Variants in PRMT7 observed in about 807,000 individuals in gnomAD.
The protein encoded by PRMT7 is protein arginine methyltransferase 7.
A neutral mutation model predicts 85.4 loss-of-function variants in PRMT7; 75 were observed. The ratio of observed to expected loss-of-function variants is 0.88; its 90% CI spans 0.73 to 1.06. The LOEUF (loss-of-function observed/expected upper bound fraction) is 1.06. Ranked by LOEUF, PRMT7 falls within the 50% of genes least tolerant of loss-of-function variation. The probability of loss-of-function intolerance (pLI) is 0.00; values close to 1 mark genes in which losing one functional copy is unlikely to be tolerated. For synonymous variants in PRMT7, 397 were observed against 359.5 expected (o/e 1.10, Z -1.18); for missense variants, 868 against 915.2 (o/e 0.95, Z 0.67).
At chr16:68,311,230 C>T (rs1017327714) in intron 1 of PRMT7, 131 bp downstream of exon 1, 1 of 496,108 alleles carries the variant, frequency 2.0e-6, no homozygotes, top group Non-Finnish European at 3.7e-6. Flanking sequence ...CCGCGTGGGG[C>T]AGCTCGGGAC....
chr16:68,338,744 C>T (rs2085073433), intron 7 of PRMT7, among the ~76,000 whole-genome samples: 1 of 152,198 alleles, frequency 6.6e-6, no homozygotes, highest in Non-Finnish European at 1.5e-5. Context: ...CAGTGGTGTC[C>T]TGGTGGTGAA....
Position 68,339,378 on chromosome 16 carries a change from C to A in PRMT7, c.561C>A (p.Ser187=). The A allele has an allele frequency of 6.2e-7, 1 of 1,614,116 alleles. No individual in the cohort carries two copies. Among genetic ancestry groups the A allele is most frequent in the Non-Finnish European group, 8.5e-7 (1 of 1,180,020 alleles). Residue 187 remains serine (S), a synonymous_variant, in exon 8 of 19, where the codon TCC becomes TCA. Transcript: ENST00000441236. Reference sequence around the variant, plus strand: ...CCGTCTATGCACAGCTGGTGGAGTCCGGGAGGATGTGGTCGTGGAACAAGC... The same window carrying A: ...CCGTCTATGCACAGCTGGTGGAGTCAGGGAGGATGTGGTCGTGGAACAAGC... ...RATVYAQLVE[S]GRMWSWNKLF...
At chr16:68,345,849 A>G (rs952661985) in intron 10 of PRMT7, 47 bp downstream of exon 10, 4 of 1,610,062 alleles carry the variant, frequency 2.5e-6, no homozygotes, top group African/African-American at 1.3e-5. Context: ...TGAGACTTGT[A>G]TGTAAATTCC....
At position 68,316,094 on chromosome 16, in the gene PRMT7, C is replaced by T; in HGVS notation, c.95+20C>T. 1 of 1,604,240 alleles carries T rather than the reference C, an allele frequency of 6.2e-7. No individual in the cohort carries two copies. The highest frequency in any genetic ancestry group is 8.5e-7 in the Non-Finnish European group (1 of 1,172,052). On this transcript the variant is annotated intron_variant, in intron 3 of 18. Transcript: ENST00000441236. ...TGCAAGGTACTGGGTTGGTTTACAG[C>T]AGGCTGCAGCTGGGTGGGGCACTTG...
intron 14 of PRMT7, among the ~76,000 whole-genome samples, chr16:68,350,409 G>A (rs1408774573): frequency 2.0e-5 from 3 of 151,854 alleles, no homozygotes. Context: ...CAGGTTCTCG[G>A]ATCCTCACCA....
At chr16:68,360,065 T>G (rs1260475295), downstream of PRMT7, 2 of 153,226 alleles carry the variant, frequency 1.3e-5, no homozygotes, top group Admixed American at 6.5e-5. Flanking sequence ...GGTCCCCTTG[T>G]GGCCTTGGTG....
In PRMT7 at chr16:68,346,221, C is replaced by G; in HGVS notation, c.1132C>G (p.Arg378Gly). The G allele has an allele frequency of 6.2e-7, 1 of 1,614,188 alleles. No individual in the cohort carries two copies. Residue 378 changes from arginine (R) to glycine (G), a missense_variant, in exon 11 of 19, where the codon CGG becomes GGG. Arg to Gly is a moderately radical substitution (Grantham distance 125). Transcript: ENST00000441236. ...CQAHLLWNRP[R>G]FGEINDQDRT... ...GGCTCACCTGCTCTGGAACCGGCCT[C>G]GGTTTGGAGAGATCAATGACCAGGA... is the stretch of plus-strand genomic sequence containing the variant.
In PRMT7 at chr16:68,339,780, T is replaced by C. The variant is rs768898161; in HGVS notation, c.747-8T>C. ...ACTCTGCTTACATTCTTGAATATTA[T>C]TCCTCAGCATAGACTTCAGCAAGCA... On this transcript the variant is annotated splice_region_variant and splice_polypyrimidine_tract_variant and intron_variant, in intron 8 of 18. Transcript: ENST00000441236. 34 of 1,611,182 alleles carry C rather than the reference T, an allele frequency of 2.1e-5. No individual in the cohort carries two copies. Among genetic ancestry groups the C allele is most frequent in the African/African-American group, 2.7e-5 (2 of 74,860 alleles).
chr16:68,357,604 G>T lies in PRMT7; in HGVS notation c.*380G>T, dbSNP rs2088829154. 1 of 193,818 alleles carries T rather than the reference G, an allele frequency of 5.2e-6. No homozygotes were observed. The highest frequency in any genetic ancestry group is 1.1e-5 in the Non-Finnish European group (1 of 94,998). 12.0% of individuals were successfully genotyped at this position (193,818 alleles called of 1,614,324 possible). On this transcript the variant is annotated 3_prime_UTR_variant, in exon 19 of 19. Transcript: ENST00000441236. ...CCGCCCTTGGCGAGCAGTCCCCGTG[G>T]CGGGAGCCTGTCCTGTCTGTCTCAC...
rs1390982903 is a variant in PRMT7 at position 68,345,739 on chromosome 16, C to T, written c.992C>T (p.Ser331Leu). The change falls in exon 10 of 19, where the codon TCA (serine) becomes TTA (leucine). Residue 331 changes from serine (S) to leucine (L), a missense_variant. Coordinates refer to ENST00000441236, the MANE Select transcript of PRMT7 (RefSeq NM_019023.5). ...LPQEEPVVQG[S>L]ALYLVAHHDD... is the part of the protein sequence containing the mutation. The stretch of plus-strand genomic sequence containing the variant: ...CAAGAGGAGCCTGTGGTGCAGGGCT[C>T]AGCGCTCTATCTGGTAGCCCACCAC... 2 of 1,614,130 alleles carry T rather than the reference C, an allele frequency of 1.2e-6. No homozygotes were observed. Among genetic ancestry groups the T allele is most frequent in the South Asian group, 1.1e-5 (1 of 91,078 alleles).
At chr16:68,353,429 T>G (rs2087720183) in intron 15 of PRMT7, 63 bp from the exon 16 acceptor site, 1 of 1,604,816 alleles carries the variant, frequency 6.2e-7, no homozygotes, top group Non-Finnish European at 8.5e-7. Flanking sequence ...CCTCTTGTTC[T>G]TGCTGCCACG....
chr16:68,339,451 C>T lies in PRMT7; in HGVS notation c.634C>T (p.Pro212Ser). 4.3e-6 allele frequency: 7 copies of T among 1,614,214 alleles called. No individual in the cohort carries two copies. The highest frequency in any genetic ancestry group is 5.9e-6 in the Non-Finnish European group (7 of 1,180,042). The change falls in exon 8 of 19, where the codon CCT (proline) becomes TCT (serine). Residue 212 changes from proline (P) to serine (S), a missense_variant. Pro to Ser is a moderately conservative substitution (Grantham distance 74, BLOSUM62 -1). Coordinates refer to ENST00000441236, the MANE Select transcript of PRMT7 (RefSeq NM_019023.5). ...QTSLGEQVIV[P>S]PVDVESCPGA... ...CAGCCTCGGAGAGCAGGTCATCGTC[C>T]CTCCCGTTGACGTGGAGAGCTGCCC... is the stretch of plus-strand genomic sequence containing the variant.
At chr16:68,343,655 C>T (rs941541508) in intron 9 of PRMT7, among the ~76,000 whole-genome samples, 2 of 152,146 alleles carry the variant, frequency 1.3e-5, no homozygotes, top group African/African-American at 4.8e-5. Flanking sequence ...GGAAAGGGTT[C>T]TCCTGTCTTC....
intron 3 of PRMT7, among the ~76,000 whole-genome samples, 154 bp from the exon 4 acceptor site, chr16:68,321,268 CAAAA>C (rs370073532): frequency 6.3e-5 from 9 of 142,724 alleles, no homozygotes; most frequent in Admixed American, 1.4e-4. Flanking sequence ...GACCCTGTCT[CAAAA>C]AAAAAAAAAT....
chr16:68,311,841 C>T (rs1170133192), intron 1 of PRMT7: 1 of 152,146 alleles, frequency 6.6e-6, no homozygotes, highest in African/African-American at 2.4e-5. Flanking sequence ...CCTTCTGTAA[C>T]CTTGGTTTTC....
At chr16:68,335,340 G>C (rs558283373) in intron 6 of PRMT7, among the ~76,000 whole-genome samples, 3 of 142,638 alleles carry the variant, frequency 2.1e-5, no homozygotes, top group Non-Finnish European at 4.6e-5. Context: ...ATGATGCCCA[G>C]ATTCCTGGAC....
chr16:68,353,822 C>T (rs893815516), intron 16 of PRMT7, among the ~76,000 whole-genome samples: 13 of 152,356 alleles, frequency 8.5e-5, no homozygotes, highest in Middle Eastern at 3.4e-3. Flanking sequence ...CCCACAGCTT[C>T]TTTTCTAGTG....
In PRMT7 at chr16:68,356,772, GCCT is replaced by G. The variant is rs1333219399; in HGVS notation, c.1887_1889del (p.Leu630del). On this transcript the variant is annotated inframe_deletion, in exon 18 of 19. Coordinates refer to ENST00000441236, the MANE Select transcript of PRMT7 (RefSeq NM_019023.5). ...ACCCCGGAGTGCACGCTCAGCACTG[GCCT>G]CCTGGAGCCTGCAGACCCCGAGGTA... 2 of 1,609,900 alleles carry G rather than the reference GCCT, an allele frequency of 1.2e-6. No individual in the cohort carries two copies. Among genetic ancestry groups the G allele is most frequent in the South Asian group, 1.1e-5 (1 of 90,566 alleles).
intron 2 of PRMT7, 66 bp downstream of exon 2, chr16:68,312,242 AG>A (rs1280025010): frequency 7.8e-6 from 1 of 128,044 alleles, no homozygotes; most frequent in Non-Finnish European, 1.6e-5. Context: ...TTTTTTTTTA[AG>A]ACAGGGTCTC....
Sources: allele counts gnomAD v4.1 joint callset (sites outside exome capture counted in the v4.1 genomes callset), GRCh38; gene constraint gnomAD v4.1.1; transcripts MANE v1.5; gene names NCBI Gene and HGNC (gene_info 2026-07-23, HGNC 2026-07-21).